The following LIPJ variants were observed in gnomAD, a reference collection of about 807,000 sequenced individuals.
The protein encoded by LIPJ is lipase family member J, also known as lipase member J.
LIPJ carries 33 observed loss-of-function variants against 39.8 expected under a neutral mutation model. The ratio of observed to expected loss-of-function variants is 0.83; its 90% CI spans 0.63 to 1.11. The LOEUF is 1.11. Ranked by LOEUF, LIPJ falls within the 50% of genes least tolerant of loss-of-function variation. LIPJ has a pLI of 0.00. For synonymous variants in LIPJ, 128 were observed against 139.2 expected (o/e 0.92, Z 0.57); for missense variants, 422 against 427.9 (o/e 0.99, Z 0.12).
At chr10:88,596,914 A>G in exon 8 of LIPJ, 1 of 1,551,698 alleles carries the variant, frequency 6.4e-7, no homozygotes, top group Non-Finnish European at 8.8e-7. Context: ...ATGTTTGGAT[A>G]TGACCCAAAA....
upstream of LIPJ, chr10:88,583,344 G>A: frequency 7.1e-7 from 1 of 1,403,778 alleles, no homozygotes; most frequent in Non-Finnish European, 9.2e-7. Flanking sequence ...CGGCCTGCAG[G>A]GGGCGGAAAG....
At chr10:88,614,128 G>T in the LIPJ span, among the ~76,000 whole-genome samples, 1 of 151,668 alleles carries the variant, frequency 6.6e-6, no homozygotes. Flanking sequence ...AAATTTGAAC[G>T]ATAATTGGTT....
At chr10:88,598,995 TATA>T (rs1434356059) in intron 8 of LIPJ, among the ~76,000 whole-genome samples, 7 of 144,348 alleles carry the variant, frequency 4.8e-5, no homozygotes, top group South Asian at 2.5e-4. Flanking sequence ...TATAAAATAT[TATA>T]TTATATTATA....
intron 8 of LIPJ, among the ~76,000 whole-genome samples, chr10:88,600,641 T>A (rs1590085284): frequency 6.6e-6 from 1 of 152,222 alleles, no homozygotes; most frequent in East Asian, 1.9e-4. Flanking sequence ...TTGGCTGTGT[T>A]TTCCTGTTTC....
chr10:88,607,166 T>C (rs1300700369), downstream of LIPJ, among the ~76,000 whole-genome samples: 1 of 152,172 alleles, frequency 6.6e-6, no homozygotes, highest in Non-Finnish European at 1.5e-5. Flanking sequence ...AAAACAATAA[T>C]CTTTAACATT....
chr10:88,600,243 T>C (rs981912445), intron 8 of LIPJ, among the ~76,000 whole-genome samples: 1 of 152,150 alleles, frequency 6.6e-6, no homozygotes, highest in African/African-American at 2.4e-5. Context: ...GCATTTCAAT[T>C]CTTTTTCTTC....
chr10:88,616,607 G>A, the LIPJ span, among the ~76,000 whole-genome samples: 1 of 152,186 alleles, frequency 6.6e-6, no homozygotes, highest in Non-Finnish European at 1.5e-5. Flanking sequence ...TGGGATTACG[G>A]CCGCCTACAG....
At chr10:88,622,080 C>T in the LIPJ span, among the ~76,000 whole-genome samples, 3 of 152,328 alleles carry the variant, frequency 2.0e-5, no homozygotes, top group East Asian at 5.8e-4. Flanking sequence ...CAGCTGTATG[C>T]TCCTCCTGAG....
At chr10:88,605,704 G>A (rs114658660) in exon 10 of LIPJ, 4 of 1,596,900 alleles carry the variant, frequency 2.5e-6, no homozygotes, top group Non-Finnish European at 3.4e-6. Context: ...ATTATAATCA[G>A]GTACATAATT....
chr10:88,606,738 G>A (rs1851678220), exon 11 of LIPJ: 2 of 1,613,356 alleles, frequency 1.2e-6, no homozygotes, highest in Non-Finnish European at 1.7e-6. Context: ...AATGGTAAAA[G>A]TGACTTGTTG....
At chr10:88,601,620 G>C (rs111503522) in intron 8 of LIPJ, among the ~76,000 whole-genome samples, 3 of 152,242 alleles carry the variant, frequency 2.0e-5, no homozygotes, top group African/African-American at 7.2e-5. Flanking sequence ...TGAAAGGTTT[G>C]CTTCTTGTAT....
rs117647379 is a variant in LIPJ, at chr10:88,591,484, A to G, written c.116A>G (p.Asn39Ser). 41 of 1,597,766 alleles carry G rather than the reference A, an allele frequency of 2.6e-5. 1 individual carries two copies. In the East Asian group the frequency reaches 2.7e-4, roughly 11 times the overall value. ...AGAATTCCTTATTGGAGGACAGACA[A>G]TAATAAAAATCTAGGTAATATTCAA... is the stretch of plus-strand genomic sequence containing the variant. The change falls in exon 4 of 11, where the codon AAT becomes AGT. Residue 39 changes from asparagine to serine, a missense_variant. Asn to Ser is a conservative substitution (Grantham distance 46, BLOSUM62 1). Coordinates refer to ENST00000371939, the Ensembl canonical transcript of LIPJ.
the LIPJ span, among the ~76,000 whole-genome samples, chr10:88,617,151 T>C: frequency 6.6e-6 from 1 of 152,032 alleles, no homozygotes; most frequent in Non-Finnish European, 1.5e-5. Context: ...AAACATGCTC[T>C]CGGGACAAGA....
At chr10:88,608,965 G>A (rs1851719110), downstream of LIPJ, among the ~76,000 whole-genome samples, 1 of 152,202 alleles carries the variant, frequency 6.6e-6, no homozygotes, top group Non-Finnish European at 1.5e-5. Context: ...CTTACACCAA[G>A]CAACCAGTGG....
rs1432149491 is a variant in LIPJ, at chr10:88,593,859, A to C, written c.131-87A>C. 3 of 1,111,136 alleles carry C rather than the reference A, an allele frequency of 2.7e-6. No homozygotes were observed. The African/African-American group carries it at 4.8e-5, about 18-fold the overall frequency. The allele number at this position is 1,111,136 out of a possible 1,614,324, so 68.8% of individuals were successfully genotyped here. On this transcript the variant is annotated intron_variant, in intron 4 of 10. Transcript: ENST00000371939. ...AATTTTTTAAAATCTTTAAACTGTC[A>C]TGTACTAAAAGTTTGAATTTCAGAT...
downstream of LIPJ, among the ~76,000 whole-genome samples, chr10:88,611,052 C>T (rs1239069524): frequency 6.6e-6 from 1 of 152,152 alleles, no homozygotes; most frequent in Non-Finnish European, 1.5e-5. Context: ...TGCTGGTATC[C>T]ACAGCTGCAA....
the LIPJ span, among the ~76,000 whole-genome samples, chr10:88,617,869 A>C: frequency 1.3e-4 from 20 of 152,222 alleles, no homozygotes; most frequent in Non-Finnish European, 2.5e-4. Context: ...TTAAGCAACA[A>C]AATTACTCTC....
chr10:88,602,444 AT>A (rs1304474101), intron 8 of LIPJ, 131 bp from the exon 9 acceptor site: 6 of 536,462 alleles, frequency 1.1e-5, no homozygotes, highest in Non-Finnish European at 1.9e-5. Flanking sequence ...TAATTTGATG[AT>A]TTGTTTATTA....
downstream of LIPJ, among the ~76,000 whole-genome samples, chr10:88,610,643 C>T (rs897023394): frequency 6.6e-6 from 1 of 152,124 alleles, no homozygotes; most frequent in African/African-American, 2.4e-5. Flanking sequence ...AGACTTACCA[C>T]AAACCTGCAT....
Sources: gnomAD v4.1 joint callset for allele counts (sites outside exome capture counted in the v4.1 genomes callset) on GRCh38, gnomAD v4.1.1 for gene constraint, MANE v1.5 for transcripts, NCBI Gene and HGNC (gene_info 2026-07-23, HGNC 2026-07-21) for gene names.